Variants in LRRTM4 observed in about 807,000 individuals in gnomAD.
LRRTM4 encodes leucine rich repeat transmembrane neuronal 4.
A neutral mutation model predicts 47.6 loss-of-function variants in LRRTM4; 25 were observed. That is an observed-to-expected ratio of 0.53 (90% CI 0.38 to 0.73). The LOEUF (loss-of-function observed/expected upper bound fraction) is 0.73, where lower values mean the gene tolerates loss of function less well. Ranked by LOEUF, LRRTM4 falls within the 30% of genes least tolerant of loss-of-function variation. The pLI is 0.00. For synonymous variants in LRRTM4, 311 were observed against 269.5 expected (o/e 1.15, Z -1.51); for missense variants, 638 against 713.4 (o/e 0.89, Z 1.20).
intron 3 of LRRTM4, among the ~76,000 whole-genome samples, chr2:76,879,410 A>C (rs1002153441): frequency 3.9e-5 from 6 of 152,186 alleles, no homozygotes; most frequent in African/African-American, 1.4e-4. Context: ...TACTCTGCCT[A>C]TTCTCTGTAA....
At chr2:76,835,847 TTATGAA>T (rs1442090550) in intron 3 of LRRTM4, among the ~76,000 whole-genome samples, 1 of 152,048 alleles carries the variant, frequency 6.6e-6, no homozygotes, top group Non-Finnish European at 1.5e-5. Flanking sequence ...AGAAAATAGA[TTATGAA>T]TATGAGTGAG....
At chr2:76,869,844 GTAA>G (rs1036525809) in intron 3 of LRRTM4, among the ~76,000 whole-genome samples, 9 of 152,070 alleles carry the variant, frequency 5.9e-5, no homozygotes, top group East Asian at 1.9e-4. Flanking sequence ...ATTTAAAATA[GTAA>G]TAATAATATG....
intron 3 of LRRTM4, among the ~76,000 whole-genome samples, chr2:76,820,273 C>T (rs1292010461): frequency 6.6e-6 from 1 of 151,830 alleles, no homozygotes; most frequent in Non-Finnish European, 1.5e-5. Flanking sequence ...TGCCATTCCT[C>T]AGGTCTCCAC....
At chr2:76,986,943 G>C (rs1676819359) in intron 3 of LRRTM4, among the ~76,000 whole-genome samples, 2 of 151,824 alleles carry the variant, frequency 1.3e-5, no homozygotes, top group African/African-American at 4.8e-5. Flanking sequence ...AAATAACTAG[G>C]TAGCATAAAC....
chr2:76,940,992 T>C (rs1461471937), intron 3 of LRRTM4, among the ~76,000 whole-genome samples: 2 of 152,184 alleles, frequency 1.3e-5, no homozygotes, highest in Non-Finnish European at 2.9e-5. Flanking sequence ...TTAATTTTCA[T>C]AGTAAAAGCA....
chr2:76,873,354 C>T (rs1050259042), intron 3 of LRRTM4, among the ~76,000 whole-genome samples: 1 of 151,432 alleles, frequency 6.6e-6, no homozygotes, highest in Admixed American at 6.6e-5. Flanking sequence ...TTCCAATCAC[C>T]TAGTCAGTCA....
At chr2:77,486,039 T>C (rs1383319295) in intron 3 of LRRTM4, among the ~76,000 whole-genome samples, 1 of 151,958 alleles carries the variant, frequency 6.6e-6, no homozygotes, top group African/African-American at 2.4e-5. Flanking sequence ...ATGCCCAGCC[T>C]AAAAAAAATT....
At chr2:76,909,763 T>A (rs976570637) in intron 3 of LRRTM4, among the ~76,000 whole-genome samples, 1 of 152,102 alleles carries the variant, frequency 6.6e-6, no homozygotes, top group South Asian at 2.1e-4. Context: ...CATCACTGAC[T>A]ATCAGAGAAA....
chr2:77,075,310 AAATT>A (rs1420568075), intron 3 of LRRTM4, among the ~76,000 whole-genome samples: 2 of 152,198 alleles, frequency 1.3e-5, no homozygotes, highest in Non-Finnish European at 2.9e-5. Flanking sequence ...GCTTAACCAC[AAATT>A]AATTGGAAGT....
intron 3 of LRRTM4, among the ~76,000 whole-genome samples, chr2:77,349,426 A>T (rs940104161): frequency 2.0e-5 from 3 of 152,064 alleles, no homozygotes; most frequent in Non-Finnish European, 2.9e-5. Flanking sequence ...CTTTTTGTAA[A>T]ACATAAATAA....
intron 3 of LRRTM4, among the ~76,000 whole-genome samples, chr2:76,809,645 T>C (rs1459437602): frequency 1.3e-5 from 2 of 152,184 alleles, no homozygotes; most frequent in African/African-American, 4.8e-5. Context: ...AGTCAGACCA[T>C]GCACTCTTCT....
intron 3 of LRRTM4, among the ~76,000 whole-genome samples, chr2:76,957,380 T>TTAA (rs1263676871): frequency 6.6e-6 from 1 of 151,706 alleles, no homozygotes; most frequent in African/African-American, 2.4e-5. Flanking sequence ...TACACGTATG[T>TTAA]TAAAAAGGTG....
chr2:77,116,140 G>A (rs1184064597), intron 3 of LRRTM4, among the ~76,000 whole-genome samples: 1 of 151,872 alleles, frequency 6.6e-6, no homozygotes, highest in Non-Finnish European at 1.5e-5. Context: ...TAGTGTCAAC[G>A]TTTAGGAGCC....
chr2:77,201,163 G>T (rs1051453892), intron 3 of LRRTM4, among the ~76,000 whole-genome samples: 6 of 152,058 alleles, frequency 3.9e-5, no homozygotes, highest in Non-Finnish European at 8.8e-5. Flanking sequence ...TATAGCAAAG[G>T]AAAAGAAAGA....
At chr2:77,047,338 C>T (rs1368435371) in intron 3 of LRRTM4, among the ~76,000 whole-genome samples, 2 of 151,944 alleles carry the variant, frequency 1.3e-5, no homozygotes, top group East Asian at 3.9e-4. Flanking sequence ...GTTAAAAGTG[C>T]AATATATTAG....
chr2:77,042,834 T>C (rs1273371846), intron 3 of LRRTM4, among the ~76,000 whole-genome samples: 2 of 151,724 alleles, frequency 1.3e-5, no homozygotes, highest in African/African-American at 4.8e-5. Context: ...CAACCAACTT[T>C]CTGACCTCTC....
intron 3 of LRRTM4, among the ~76,000 whole-genome samples, chr2:76,953,493 G>A (rs542761322): frequency 6.2e-4 from 94 of 151,908 alleles, no homozygotes; most frequent in African/African-American, 2.1e-3. Flanking sequence ...CACACATTAC[G>A]TTCTCTTGTG....
chr2:77,096,009 A>T (rs1315747461), intron 3 of LRRTM4, among the ~76,000 whole-genome samples: 1 of 152,144 alleles, frequency 6.6e-6, no homozygotes, highest in African/African-American at 2.4e-5. Context: ...AATTGCTTAA[A>T]AAAAGAGGTT....
chr2:77,131,582 G>A (rs1455782077), intron 3 of LRRTM4, among the ~76,000 whole-genome samples: 1 of 152,118 alleles, frequency 6.6e-6, no homozygotes, highest in Non-Finnish European at 1.5e-5. Flanking sequence ...ATATTGCATA[G>A]GAAGGTGGGA....
Sources: gnomAD v4.1 joint callset for allele counts (sites outside exome capture counted in the v4.1 genomes callset) on GRCh38, gnomAD v4.1.1 for gene constraint, MANE v1.5 for transcripts, NCBI Gene and HGNC (gene_info 2026-07-23, HGNC 2026-07-21) for gene names.